SLCO1A2: variants seen among roughly 807,000 people sequenced by gnomAD.
SLCO1A2 encodes the protein solute carrier organic anion transporter family member 1A2, also known as OATP-1.
Under a neutral mutation model 69.0 loss-of-function variants are expected in SLCO1A2, and 67 were observed. That is an observed-to-expected ratio of 0.97 (90% CI 0.80 to 1.19). The LOEUF (loss-of-function observed/expected upper bound fraction) is 1.19, where lower values mean the gene tolerates loss of function less well. Among genes scored for constraint, SLCO1A2 ranks in the 50% most tolerant of loss-of-function variants. The pLI is 0.00. For missense variants in SLCO1A2, 787 were observed against 793.7 expected (o/e 0.99, Z 0.10); for synonymous variants, 260 against 265.9 (o/e 0.98, Z 0.22).
intron 2 of SLCO1A2, among the ~76,000 whole-genome samples, chr12:21,349,484 A>T (rs1937757149): frequency 6.6e-6 from 1 of 152,184 alleles, no homozygotes; most frequent in African/African-American, 2.4e-5. Flanking sequence ...TGTGGGCCAC[A>T]CTGTTGCCTT....
At chr12:21,318,204 C>T (rs927680834) in intron 3 of SLCO1A2, among the ~76,000 whole-genome samples, 21 of 151,656 alleles carry the variant, frequency 1.4e-4, no homozygotes, top group Non-Finnish European at 2.1e-4. Context: ...CTGCAAGCTC[C>T]GCCTCTCGGG....
intron 2 of SLCO1A2, among the ~76,000 whole-genome samples, chr12:21,365,710 C>T (rs1939321623): frequency 1.3e-5 from 2 of 151,978 alleles, no homozygotes; most frequent in Non-Finnish European, 2.9e-5. Context: ...AGAAAAAAAA[C>T]AAACAACCCC....
intron 2 of SLCO1A2, among the ~76,000 whole-genome samples, chr12:21,360,316 G>T (rs1052400074): frequency 2.0e-5 from 3 of 152,148 alleles, no homozygotes; most frequent in Non-Finnish European, 4.4e-5. Flanking sequence ...ATTGAATTTT[G>T]ATAATCCCTA....
At chr12:21,285,211 A>G (rs937205270) in intron 12 of SLCO1A2, among the ~76,000 whole-genome samples, 2 of 151,910 alleles carry the variant, frequency 1.3e-5, no homozygotes, top group South Asian at 2.1e-4. Flanking sequence ...AACTACCATC[A>G]GAGAATACTA....
At chr12:21,414,356 A>C (rs1421878710) in intron 1 of SLCO1A2, among the ~76,000 whole-genome samples, 1 of 151,746 alleles carries the variant, frequency 6.6e-6, no homozygotes, top group African/African-American at 2.4e-5. Flanking sequence ...CATGTTGCTA[A>C]GTAGTGTTTT....
At chr12:21,278,441 G>C (rs1944260290) in intron 12 of SLCO1A2, among the ~76,000 whole-genome samples, 1 of 152,006 alleles carries the variant, frequency 6.6e-6, no homozygotes, top group Admixed American at 6.5e-5. Flanking sequence ...GGTGAGACTA[G>C]TGCTGTGCTG....
At chr12:21,383,468 C>T (rs1291744539) in intron 1 of SLCO1A2, among the ~76,000 whole-genome samples, 3 of 152,074 alleles carry the variant, frequency 2.0e-5, no homozygotes, top group Non-Finnish European at 4.4e-5. Flanking sequence ...CCTGCCTCCA[C>T]GTTCTTGCTT....
chr12:21,363,976 G>T (rs1029977068), intron 2 of SLCO1A2, among the ~76,000 whole-genome samples: 3 of 152,148 alleles, frequency 2.0e-5, no homozygotes, highest in East Asian at 3.8e-4. Context: ...GTAAAAAGAG[G>T]AGCTGGTACC....
chr12:21,301,684 G>C (rs931553984), intron 6 of SLCO1A2, among the ~76,000 whole-genome samples: 1 of 152,118 alleles, frequency 6.6e-6, no homozygotes, highest in African/African-American at 2.4e-5. Context: ...CCTCAAAAAA[G>C]TTTCACTCTC....
At chr12:21,315,688 C>A (rs143409217) in intron 3 of SLCO1A2, among the ~76,000 whole-genome samples, 1 of 152,124 alleles carries the variant, frequency 6.6e-6, no homozygotes, top group South Asian at 2.1e-4. Context: ...ATATGGAGAG[C>A]GCCCCACCGC....
upstream of SLCO1A2, among the ~76,000 whole-genome samples, chr12:21,395,687 G>C (rs895446393): frequency 1.4e-4 from 22 of 152,320 alleles, no homozygotes; most frequent in African/African-American, 2.2e-4. Flanking sequence ...AGAACGGGCA[G>C]ACTGCCTCCT....
In SLCO1A2 at chr12:21,268,481, C is replaced by CTCTTT. The variant is rs1942298567; in HGVS notation, c.*1062_*1066dup. ...CAGGTATTTGTCTGTTCATTCTATT[C>CTCTTT]TCTTTTACCAGAAGCCCTATATTAA... On this transcript the variant is annotated 3_prime_UTR_variant, in exon 15 of 15. Transcript: ENST00000683939. 6.6e-6 allele frequency: 1 copy of CTCTTT among 152,052 alleles called. No individual in the cohort carries two copies. The highest frequency in any genetic ancestry group is 1.5e-5 in the Non-Finnish European group (1 of 67,978). The allele number at this position is 152,052 out of a possible 1,614,324, so 9.4% of individuals were successfully genotyped here.
At chr12:21,388,987 A>G (rs1941023509) in intron 1 of SLCO1A2, among the ~76,000 whole-genome samples, 1 of 152,180 alleles carries the variant, frequency 6.6e-6, no homozygotes, top group African/African-American at 2.4e-5. Context: ...CTTAAATGTG[A>G]CTATTTTTAA....
In SLCO1A2 at chr12:21,318,875, C is replaced by G; in HGVS notation, c.109G>C (p.Gly37Arg). 2 of 1,610,394 alleles carry G rather than the reference C, an allele frequency of 1.2e-6. No homozygotes were observed. ...TCAFVSKTLS[G>R]SYMNSMLTQI... ...GTGAGCATGGAATTCATATAAGATC[C>G]AGACAGTGTTTTGGATACAAATGCA... The change falls in exon 3 of 15, where the codon GGA (glycine) becomes CGA (arginine). Residue 37 changes from glycine (G) to arginine (R), a missense_variant. Gly to Arg is a moderately radical substitution (Grantham distance 125, BLOSUM62 -2). Coordinates refer to ENST00000683939, the MANE Select transcript of SLCO1A2 (RefSeq NM_001386879.1).
intron 2 of SLCO1A2, among the ~76,000 whole-genome samples, chr12:21,362,532 A>C (rs962717641): frequency 3.3e-5 from 5 of 152,238 alleles, no homozygotes; most frequent in African/African-American, 7.2e-5. Flanking sequence ...ATGACAGGAT[A>C]AAATTCACAC....
chr12:21,322,660 T>C (rs1277245157), intron 2 of SLCO1A2, among the ~76,000 whole-genome samples: 1 of 149,654 alleles, frequency 6.7e-6, no homozygotes, highest in Non-Finnish European at 1.5e-5. Context: ...TGTAAATGTT[T>C]CTTGTCAGAC....
At chr12:21,312,160 A>G (rs1793637987) in intron 4 of SLCO1A2, among the ~76,000 whole-genome samples, 2 of 152,238 alleles carry the variant, frequency 1.3e-5, no homozygotes, top group African/African-American at 4.8e-5. Flanking sequence ...ACCTTCATCA[A>G]TTAACTTAGC....
intron 2 of SLCO1A2, among the ~76,000 whole-genome samples, chr12:21,360,446 C>T (rs1157234056): frequency 3.9e-5 from 6 of 152,148 alleles, no homozygotes; most frequent in African/African-American, 7.2e-5. Context: ...CCAAGATGGC[C>T]GAATAGGAAC....
intron 12 of SLCO1A2, among the ~76,000 whole-genome samples, chr12:21,290,449 C>T (rs1461159881): frequency 6.6e-6 from 1 of 152,014 alleles, no homozygotes; most frequent in East Asian, 1.9e-4. Flanking sequence ...CAAGGTGACG[C>T]TGGTATGGGA....
Sources: allele counts gnomAD v4.1 joint callset (sites outside exome capture counted in the v4.1 genomes callset), GRCh38; gene constraint gnomAD v4.1.1; transcripts MANE v1.5; gene names NCBI Gene and HGNC (gene_info 2026-07-23, HGNC 2026-07-21).